CNTNAP2: variants seen among roughly 807,000 people sequenced by gnomAD.
The protein encoded by CNTNAP2 is contactin-associated protein-like 2.
In CNTNAP2, 98 loss-of-function variants were observed where a neutral mutation model predicts 155.2. The observed-to-expected ratio is 0.63, with a 90% confidence interval of 0.54 to 0.75. The LOEUF (loss-of-function observed/expected upper bound fraction) is 0.75, where lower values mean the gene tolerates loss of function less well. CNTNAP2 is among the 30% of genes least tolerant of loss of function. The pLI is 0.00. For synonymous variants in CNTNAP2, 651 were observed against 631.2 expected (o/e 1.03, Z -0.47); for missense variants, 1,727 against 1,688.1 (o/e 1.02, Z -0.40).
chr7:146,421,199 T>G (rs1377702083), intron 1 of CNTNAP2, among the ~76,000 whole-genome samples: 1 of 152,080 alleles, frequency 6.6e-6, no homozygotes, highest in African/African-American at 2.4e-5. Context: ...GAATTTATTT[T>G]GAAATTGACC....
intron 1 of CNTNAP2, among the ~76,000 whole-genome samples, chr7:146,232,101 G>T (rs1799395407): frequency 6.6e-6 from 1 of 150,636 alleles, no homozygotes; most frequent in Non-Finnish European, 1.5e-5. Context: ...GTTTTCCATG[G>T]CCCTGGGTCT....
intron 1 of CNTNAP2, among the ~76,000 whole-genome samples, chr7:146,515,422 T>C (rs1463706874): frequency 6.6e-6 from 1 of 152,100 alleles, no homozygotes; most frequent in African/African-American, 2.4e-5. Context: ...CTGTTCACAA[T>C]TTATCATTTG....
chr7:146,490,725 T>C (rs539559528), intron 1 of CNTNAP2, among the ~76,000 whole-genome samples: 4 of 152,256 alleles, frequency 2.6e-5, no homozygotes, highest in Non-Finnish European at 1.5e-5. Context: ...ATTTTTAGAG[T>C]TCTCTTTAAA....
intron 12 of CNTNAP2, among the ~76,000 whole-genome samples, chr7:147,633,323 T>A (rs1010304372): frequency 2.0e-5 from 3 of 152,192 alleles, no homozygotes; most frequent in African/African-American, 7.2e-5. Context: ...TGTATGGAAA[T>A]GCCTGGATGT....
At position 147,106,819 on chromosome 7, in the gene CNTNAP2, C is replaced by T. The variant is rs181190466; in HGVS notation, c.551-1328C>T. Among the ~76,000 whole-genome samples the T allele has an allele frequency of 7.0e-4, 107 of 152,222 alleles. 1 individual carries two copies. Among genetic ancestry groups the T allele is most frequent in the Middle Eastern group, 3.4e-3 (1 of 294 alleles). ...TGGCAGCCCTGCATCTCTACTGTGG[C>T]CCCCAAAGGAATTTATTTGGTGGTA... On this transcript the variant is annotated intron_variant, in intron 4 of 23. Transcript: ENST00000361727.
At chr7:147,373,054 G>A (rs1796374216) in intron 9 of CNTNAP2, among the ~76,000 whole-genome samples, 1 of 151,984 alleles carries the variant, frequency 6.6e-6, no homozygotes, top group Admixed American at 6.6e-5. Context: ...GGGACACATC[G>A]TGTCCCTCGA....
In CNTNAP2 at chr7:146,961,009, G is replaced by A. The variant is rs80033041; in HGVS notation, c.403-82898G>A. On this transcript the variant is annotated intron_variant, in intron 3 of 23. Transcript: ENST00000361727. ...CAGCTCTCACCCGCTCATTCTCTGG[G>A]CTTTGCATTTAGAATGATTGGTCTT... 6.1e-3 allele frequency among the ~76,000 whole-genome samples: 927 copies of A among 152,202 alleles called. 9 individuals are homozygous for A. Among genetic ancestry groups the A allele is most frequent in the African/African-American group, 0.02 (842 of 41,526 alleles).
intron 8 of CNTNAP2, among the ~76,000 whole-genome samples, chr7:147,243,955 G>A (rs1017597483): frequency 2.6e-5 from 4 of 152,100 alleles, no homozygotes; most frequent in Non-Finnish European, 4.4e-5. Context: ...TCTTATTGAA[G>A]ACATAGACAG....
chr7:146,890,845 C>G (rs1389343906), intron 3 of CNTNAP2, among the ~76,000 whole-genome samples: 5 of 152,060 alleles, frequency 3.3e-5, no homozygotes, highest in Non-Finnish European at 5.9e-5. Context: ...TTGATATTAG[C>G]CCTGGAATTA....
chr7:146,259,908 T>G (rs1014465170), intron 1 of CNTNAP2, among the ~76,000 whole-genome samples: 1 of 152,194 alleles, frequency 6.6e-6, no homozygotes, highest in Non-Finnish European at 1.5e-5. Flanking sequence ...CCAGGCCACA[T>G]CAGAGATCTT....
intron 1 of CNTNAP2, among the ~76,000 whole-genome samples, chr7:146,707,018 G>A (rs1800977733): frequency 6.6e-6 from 1 of 151,980 alleles, no homozygotes; most frequent in Non-Finnish European, 1.5e-5. Flanking sequence ...CCAGCAAAAT[G>A]CACTTTGGCA....
intron 1 of CNTNAP2, among the ~76,000 whole-genome samples, chr7:146,626,716 G>C (rs186980): frequency 6.6e-6 from 1 of 151,930 alleles, no homozygotes; most frequent in Non-Finnish European, 1.5e-5. Flanking sequence ...AAAGAAAAAT[G>C]CATTTTTCTT....
intron 13 of CNTNAP2, among the ~76,000 whole-genome samples, chr7:147,758,123 G>C (rs1376006527): frequency 6.6e-6 from 1 of 152,196 alleles, no homozygotes; most frequent in Non-Finnish European, 1.5e-5. Context: ...ATTCTTCGCT[G>C]TAAGATTTCA....
At position 146,225,940 on chromosome 7, in the gene CNTNAP2, A is replaced by G. The variant is rs970102309; in HGVS notation, c.97+108967A>G. Among the ~76,000 whole-genome samples, 4 of 152,350 alleles carry G rather than the reference A, an allele frequency of 2.6e-5. No homozygotes were observed. In the South Asian group the frequency reaches 8.3e-4, roughly 32 times the overall value. ...TTTGTAATCCAATTCCATTCTTTGC[A>G]GCCAGTATTCATTTCTGCTTGTTCT... On this transcript the variant is annotated intron_variant, in intron 1 of 23. Transcript: ENST00000361727.
intron 14 of CNTNAP2, among the ~76,000 whole-genome samples, chr7:147,938,469 T>C (rs1367596849): frequency 6.6e-6 from 1 of 152,154 alleles, no homozygotes; most frequent in Non-Finnish European, 1.5e-5. Flanking sequence ...ATTAATTGAA[T>C]TTCAATATTT....
chr7:147,979,484 A>G (rs1208805919), intron 15 of CNTNAP2, among the ~76,000 whole-genome samples: 2 of 152,252 alleles, frequency 1.3e-5, no homozygotes, highest in Admixed American at 6.5e-5. Flanking sequence ...ATATAAAGGT[A>G]AAATATTTCT....
intron 4 of CNTNAP2, chr7:147,083,024 C>T (rs1481446284): frequency 6.6e-6 from 1 of 152,174 alleles, no homozygotes; most frequent in Non-Finnish European, 1.5e-5. Flanking sequence ...GTGTTCTCAG[C>T]ACGCCTCTCA....
intron 20 of CNTNAP2, among the ~76,000 whole-genome samples, chr7:148,247,022 T>C (rs1252712578): frequency 1.3e-5 from 2 of 152,230 alleles, no homozygotes; most frequent in Admixed American, 6.5e-5. Flanking sequence ...TAGAACGCAT[T>C]AATATCCTTT....
chr7:148,196,718 C>A (rs1158532665), intron 18 of CNTNAP2, among the ~76,000 whole-genome samples: 1 of 152,202 alleles, frequency 6.6e-6, no homozygotes, highest in East Asian at 1.9e-4. Context: ...AGGATTTGAA[C>A]ATAGACAATT....
Sources: gnomAD v4.1 joint callset for allele counts (sites outside exome capture counted in the v4.1 genomes callset) on GRCh38, gnomAD v4.1.1 for gene constraint, MANE v1.5 for transcripts, NCBI Gene and HGNC (gene_info 2026-07-23, HGNC 2026-07-21) for gene names.